Variants in UNC5D observed in about 807,000 individuals in gnomAD.
UNC5D encodes the protein netrin receptor UNC5D.
UNC5D carries 39 observed loss-of-function variants against 105.4 expected under a neutral mutation model. The ratio of observed to expected loss-of-function variants is 0.37; its 90% CI spans 0.29 to 0.48. The LOEUF is 0.48. UNC5D is among the 20% of genes least tolerant of loss of function. The pLI is 0.98. For synonymous variants in UNC5D, 452 were observed against 450.4 expected (o/e 1.00, Z -0.04); for missense variants, 991 against 1,202.4 (o/e 0.82, Z 2.60).
intron 4 of UNC5D, among the ~76,000 whole-genome samples, chr8:35,650,252 C>T (rs1238211074): frequency 2.0e-5 from 3 of 152,130 alleles, no homozygotes; most frequent in Admixed American, 6.5e-5. Flanking sequence ...CCTGCTCCGT[C>T]GTTGACTTGT....
intron 1 of UNC5D, among the ~76,000 whole-genome samples, chr8:35,469,506 G>A (rs1429485508): frequency 6.6e-6 from 1 of 152,092 alleles, no homozygotes; most frequent in African/African-American, 2.4e-5. Context: ...TATGTTTGTG[G>A]GGAAAGGGAC....
At chr8:35,360,096 T>C (rs1048890204) in intron 1 of UNC5D, among the ~76,000 whole-genome samples, 6 of 152,160 alleles carry the variant, frequency 3.9e-5, no homozygotes, top group Non-Finnish European at 7.4e-5. Context: ...AATAATGCAC[T>C]AGAAAATTAG....
At chr8:35,618,156 C>A (rs1238843907) in intron 4 of UNC5D, among the ~76,000 whole-genome samples, 2 of 152,154 alleles carry the variant, frequency 1.3e-5, no homozygotes, top group Non-Finnish European at 2.9e-5. Context: ...CTGCATAATA[C>A]CACCAGAACT....
intron 1 of UNC5D, among the ~76,000 whole-genome samples, chr8:35,270,636 A>G (rs1563266336): frequency 1.3e-5 from 2 of 152,216 alleles, no homozygotes; most frequent in South Asian, 2.1e-4. Flanking sequence ...GCAGTTTAGT[A>G]TATTCTTCAA....
chr8:35,439,123 C>A (rs968478328), intron 1 of UNC5D, among the ~76,000 whole-genome samples: 1 of 151,674 alleles, frequency 6.6e-6, no homozygotes, highest in Admixed American at 6.6e-5. Context: ...GATAATAATG[C>A]CTATGCCACA....
In UNC5D at chr8:35,731,018, G is replaced by C. The variant is rs533784093; in HGVS notation, c.1688G>C (p.Ser563Thr). The change falls in exon 11 of 17, where the codon AGC becomes ACC. Residue 563 changes from serine to threonine, a missense_variant. Transcript: ENST00000404895. ...TTGGCTTTTTCTGTTTTAGGGGTGA[G>C]CTTACTCATACCACACGGTGCCATC... ...GRLVMPNTGV[S>T]LLIPHGAIPE... 153 of 1,613,742 alleles carry C rather than the reference G, an allele frequency of 9.5e-5. 1 individual carries two copies. In the South Asian group the frequency reaches 1.6e-3, roughly 17 times the overall value.
At chr8:35,699,829 T>C in intron 7 of UNC5D, among the ~76,000 whole-genome samples, 1 of 152,114 alleles carries the variant, frequency 6.6e-6, no homozygotes, top group East Asian at 1.9e-4. Flanking sequence ...TCTTTAAAAA[T>C]GAACTGAAAA....
chr8:35,681,632 G>C (rs1034561651), intron 4 of UNC5D, among the ~76,000 whole-genome samples: 1 of 152,188 alleles, frequency 6.6e-6, no homozygotes, highest in Non-Finnish European at 1.5e-5. Context: ...TACACTTCCA[G>C]GCTGGTGCCA....
chr8:35,408,274 C>CT (rs1366810175), intron 1 of UNC5D, among the ~76,000 whole-genome samples: 7 of 151,798 alleles, frequency 4.6e-5, no homozygotes, highest in South Asian at 2.1e-4. Context: ...TTATCATCTC[C>CT]TTTTTTTATA....
chr8:35,285,302 C>A (rs909835043), intron 1 of UNC5D, among the ~76,000 whole-genome samples: 2 of 152,162 alleles, frequency 1.3e-5, no homozygotes, highest in African/African-American at 2.4e-5. Flanking sequence ...GGGCAAACAC[C>A]TTTCCCTGGG....
At chr8:35,731,365 C>T (rs887849555) in intron 11 of UNC5D, among the ~76,000 whole-genome samples, 7 of 122,650 alleles carry the variant, frequency 5.7e-5, no homozygotes, top group Admixed American at 3.1e-4. Flanking sequence ...CGTGCCACTG[C>T]ACTTCAGTCT....
At chr8:35,620,533 G>T (rs914550045) in intron 4 of UNC5D, among the ~76,000 whole-genome samples, 1 of 152,080 alleles carries the variant, frequency 6.6e-6, no homozygotes, top group African/African-American at 2.4e-5. Flanking sequence ...CCACTGTTCC[G>T]ATTACCCTTT....
rs115243028 is a variant in UNC5D, at chr8:35,713,950, A to G, written c.1117+7989A>G. ...CTTGAGCAGTGAAAGAAGTCCACCCAGAGTGGATCCAGTCCATCCTGCAGA... is the reference window on the plus strand; with the variant it reads ...CTTGAGCAGTGAAAGAAGTCCACCCGGAGTGGATCCAGTCCATCCTGCAGA... On this transcript the variant is annotated intron_variant, in intron 8 of 16. Coordinates refer to ENST00000404895, the MANE Select transcript of UNC5D (RefSeq NM_080872.4). Among the ~76,000 whole-genome samples, 898 of 152,368 alleles carry G rather than the reference A, an allele frequency of 5.9e-3. 11 individuals carry two copies. The highest frequency in any genetic ancestry group is 0.021 in the African/African-American group (854 of 41,586).
chr8:35,377,138 G>T (rs28599667), intron 1 of UNC5D, among the ~76,000 whole-genome samples: 6,338 of 152,248 alleles, frequency 0.042, 145 homozygotes, highest in Middle Eastern at 0.054. Flanking sequence ...ATAGTGCCTT[G>T]TTGCCTAGCA....
Position 35,340,658 on chromosome 8 carries a change from A to T in UNC5D, c.103+104771A>T, listed in dbSNP as rs541927606. ...TTTATTTGGTCATTTGGGATATATG[A>T]CTGGGAGAAGAAACTGAACATGTAC... On this transcript the variant is annotated intron_variant, in intron 1 of 16. Transcript: ENST00000404895. Among the ~76,000 whole-genome samples, 5 of 152,238 alleles carry T rather than the reference A, an allele frequency of 3.3e-5. No individual in the cohort carries two copies. The East Asian group carries it at 9.7e-4, about 29-fold the overall frequency.
chr8:35,743,748 C>T (rs1185787304), intron 11 of UNC5D, among the ~76,000 whole-genome samples: 7 of 151,994 alleles, frequency 4.6e-5, no homozygotes, highest in African/African-American at 9.7e-5. Context: ...CCTTCATATA[C>T]GTATAAAAGT....
chr8:35,600,443 T>C (rs1398887069), intron 4 of UNC5D, among the ~76,000 whole-genome samples: 1 of 152,188 alleles, frequency 6.6e-6, no homozygotes, highest in East Asian at 1.9e-4. Context: ...TTCCTATTTC[T>C]CCACATCCTC....
intron 1 of UNC5D, among the ~76,000 whole-genome samples, chr8:35,428,449 G>T (rs1181009100): frequency 6.9e-6 from 1 of 145,522 alleles, no homozygotes; most frequent in Non-Finnish European, 1.5e-5. Flanking sequence ...GCCTCCCAAA[G>T]TGCTGGGATT....
intron 1 of UNC5D, among the ~76,000 whole-genome samples, chr8:35,526,901 C>A (rs1236280593): frequency 6.6e-6 from 1 of 152,264 alleles, no homozygotes; most frequent in Non-Finnish European, 1.5e-5. Flanking sequence ...ACACGGTCTT[C>A]CTCCTTGACC....
Sources: allele counts gnomAD v4.1 joint callset (sites outside exome capture counted in the v4.1 genomes callset), GRCh38; gene constraint gnomAD v4.1.1; transcripts MANE v1.5; gene names NCBI Gene and HGNC (gene_info 2026-07-23, HGNC 2026-07-21).